Variants in GRAMD1C observed in about 807,000 individuals in gnomAD.
GRAMD1C encodes protein Aster-C.
Under a neutral mutation model 97.8 loss-of-function variants are expected in GRAMD1C, and 89 were observed. The observed-to-expected ratio is 0.91, with a 90% CI of 0.77 to 1.09. The LOEUF (loss-of-function observed/expected upper bound fraction) is 1.09. Ranked by LOEUF, GRAMD1C falls within the 50% of genes least tolerant of loss-of-function variation. The pLI is 0.00. For missense variants in GRAMD1C, 740 were observed against 766.4 expected (o/e 0.97, Z 0.41); for synonymous variants, 256 against 267.0 (o/e 0.96, Z 0.40).
At chr3:113,931,550 G>A (rs1937423123) in intron 11 of GRAMD1C, among the ~76,000 whole-genome samples, 1 of 151,868 alleles carries the variant, frequency 6.6e-6, no homozygotes, top group Non-Finnish European at 1.5e-5. Context: ...GTAGAGACGG[G>A]GTTTCAGCAT....
At chr3:113,887,724 AAAAAGG>A (rs1314152040) in intron 6 of GRAMD1C, among the ~76,000 whole-genome samples, 1 of 151,130 alleles carries the variant, frequency 6.6e-6, no homozygotes, top group Non-Finnish European at 1.5e-5. Flanking sequence ...AAAAAAAAAA[AAAAAGG>A]AAAATTGACA....
chr3:113,861,823 A>G (rs964454802), intron 2 of GRAMD1C, among the ~76,000 whole-genome samples: 2 of 152,152 alleles, frequency 1.3e-5, no homozygotes, highest in African/African-American at 2.4e-5. Flanking sequence ...CCCAGTAGTC[A>G]TGTAGGTTCT....
intron 2 of GRAMD1C, among the ~76,000 whole-genome samples, chr3:113,860,504 C>CT (rs980267657): frequency 6.6e-6 from 1 of 152,134 alleles, no homozygotes; most frequent in African/African-American, 2.4e-5. Context: ...ATTCAAATGA[C>CT]TTTTTTTGTA....
chr3:113,917,856 CTTTTTTTTTTT>C (rs71144097), intron 10 of GRAMD1C, among the ~76,000 whole-genome samples: 3 of 41,920 alleles, frequency 7.2e-5, no homozygotes, highest in African/African-American at 1.0e-4. Flanking sequence ...CCATGCTTGG[CTTTTTTTTTTT>C]TTTTTTTTTT....
chr3:113,943,651 C>A (rs1034358011), intron 17 of GRAMD1C, among the ~76,000 whole-genome samples: 2 of 152,202 alleles, frequency 1.3e-5, no homozygotes, highest in African/African-American at 4.8e-5. Flanking sequence ...CAGTGGCTCA[C>A]ACCTGTAATC....
intron 12 of GRAMD1C, 121 bp downstream of exon 12, chr3:113,933,774 C>A: frequency 2.8e-6 from 2 of 706,468 alleles, no homozygotes; most frequent in Non-Finnish European, 4.7e-6. Flanking sequence ...ATTACATTTC[C>A]AACAGGGGTG....
At chr3:113,905,584 T>C (rs1936340947) in intron 8 of GRAMD1C, among the ~76,000 whole-genome samples, 1 of 152,206 alleles carries the variant, frequency 6.6e-6, no homozygotes, top group South Asian at 2.1e-4. Flanking sequence ...GGATTATACT[T>C]TATAAGGTCT....
intron 6 of GRAMD1C, among the ~76,000 whole-genome samples, chr3:113,889,500 T>C (rs1486462211): frequency 6.6e-6 from 1 of 152,210 alleles, no homozygotes; most frequent in Non-Finnish European, 1.5e-5. Flanking sequence ...GATGGTTGTT[T>C]AACTTTGGAT....
intron 6 of GRAMD1C, among the ~76,000 whole-genome samples, chr3:113,894,202 T>C (rs1202119305): frequency 1.6e-4 from 25 of 152,228 alleles, no homozygotes; most frequent in Admixed American, 1.3e-3. Context: ...ATATTCCTAC[T>C]GATATTCTTG....
intron 10 of GRAMD1C, among the ~76,000 whole-genome samples, chr3:113,928,282 C>A (rs112542676): frequency 6.6e-6 from 1 of 151,964 alleles, no homozygotes; most frequent in Non-Finnish European, 1.5e-5. Context: ...GCGGCACACA[C>A]GAGCAGCTTC....
chr3:113,940,297 C>G lies in GRAMD1C; in HGVS notation c.1860C>G (p.Ala620=), dbSNP rs749591439. The G allele has an allele frequency of 1.2e-6, 2 of 1,611,202 alleles. No homozygotes were observed. Among genetic ancestry groups the G allele is most frequent in the Non-Finnish European group, 1.7e-6 (2 of 1,177,550 alleles). ...AETIQKNKDQ[A]HRLKGVLRDS... is the part of the protein sequence containing the mutation. The stretch of plus-strand genomic sequence containing the variant: ...CTATTCAGAAGAATAAAGATCAGGC[C>G]CATCGTTTAAAGGGAGTGCTCCGAG... Residue 620 remains alanine (A), a synonymous_variant, in exon 17 of 18, where the codon GCC becomes GCG. Transcript: ENST00000358160.
chr3:113,928,262 G>T (rs1937297984), intron 10 of GRAMD1C, among the ~76,000 whole-genome samples: 1 of 152,076 alleles, frequency 6.6e-6, no homozygotes, highest in Admixed American at 6.5e-5. Context: ...GTTGTTTCCT[G>T]TTTGTGAGAG....
Position 113,904,265 on chromosome 3 carries a change from CA to C in GRAMD1C, c.786del (p.Gly263GlufsTer3), listed in dbSNP as rs1352554925. Reference protein sequence around the residue: ...SETESFDGNSSKGGLGKEESQ... With the variant: ...SETESFDGNSXKGGLGKEESQ... ...ACAGAGTCATTCGATGGAAATTCAT[CA>C]AAAGGAGTTAGTATATGATATCCCT... is the stretch of plus-strand genomic sequence containing the variant. On this transcript the variant is annotated frameshift_variant, in exon 8 of 18. Transcript: ENST00000358160. LOFTEE classifies it high-confidence loss of function. 6.3e-7 allele frequency: 1 copy of C among 1,598,992 alleles called. No homozygotes were observed. Among genetic ancestry groups the C allele is most frequent in the African/African-American group, 1.3e-5 (1 of 74,574 alleles).
chr3:113,918,869 A>AT (rs1316929057), intron 10 of GRAMD1C, among the ~76,000 whole-genome samples: 3 of 151,848 alleles, frequency 2.0e-5, no homozygotes, highest in Non-Finnish European at 4.4e-5. Context: ...ATTTTAAAAC[A>AT]TTTTTTATAG....
At chr3:113,885,896 C>A in intron 6 of GRAMD1C, 2 of 1,612,816 alleles carry the variant, frequency 1.2e-6, no homozygotes, top group Non-Finnish European at 8.5e-7. Context: ...ACAATGCCAT[C>A]CCCATCAAAT....
chr3:113,861,767 C>T (rs1048960385), intron 2 of GRAMD1C, among the ~76,000 whole-genome samples: 8 of 152,058 alleles, frequency 5.3e-5, no homozygotes, highest in Admixed American at 3.3e-4. Context: ...TCAATAGTTA[C>T]GAGGTAAATG....
intron 6 of GRAMD1C, among the ~76,000 whole-genome samples, chr3:113,897,063 G>T (rs967311836): frequency 1.3e-5 from 2 of 152,148 alleles, no homozygotes; most frequent in African/African-American, 4.8e-5. Flanking sequence ...GTGCTTAGTA[G>T]AATTATTCCA....
chr3:113,878,615 T>G (rs1445986445), intron 5 of GRAMD1C, among the ~76,000 whole-genome samples: 5 of 152,164 alleles, frequency 3.3e-5, no homozygotes, highest in African/African-American at 1.2e-4. Context: ...ATTACAGGCG[T>G]GATTTATGTA....
intron 9 of GRAMD1C, among the ~76,000 whole-genome samples, chr3:113,913,674 C>A (rs569986655): frequency 6.6e-6 from 1 of 152,120 alleles, no homozygotes; most frequent in South Asian, 2.1e-4. Flanking sequence ...AAGTGTATGG[C>A]GATTTTTTTC....
Sources: gnomAD v4.1 joint callset for allele counts (sites outside exome capture counted in the v4.1 genomes callset) on GRCh38, gnomAD v4.1.1 for gene constraint, MANE v1.5 for transcripts, NCBI Gene and HGNC (gene_info 2026-07-23, HGNC 2026-07-21) for gene names.